ADGRL2: variants seen among roughly 807,000 people sequenced by gnomAD.
The protein encoded by ADGRL2 is calcium-independent alpha-latrotoxin receptor 2.
In ADGRL2, 44 loss-of-function variants were observed where a neutral mutation model predicts 157.4. The observed-to-expected ratio is 0.28, with a 90% confidence interval of 0.22 to 0.36. The LOEUF (loss-of-function observed/expected upper bound fraction) is 0.36, where lower values mean the gene tolerates loss of function less well. Ranked by LOEUF, ADGRL2 falls within the 10% of genes least tolerant of loss-of-function variation. ADGRL2 has a pLI of 1.00. For synonymous variants in ADGRL2, 585 were observed against 624.7 expected (o/e 0.94, Z 0.95); for missense variants, 1,510 against 1,768.9 (o/e 0.85, Z 2.63).
chr1:81,766,762 G>A (rs937124795), intron 2 of ADGRL2, among the ~76,000 whole-genome samples: 1 of 150,278 alleles, frequency 6.7e-6, no homozygotes, highest in African/African-American at 2.5e-5. Context: ...CCCAGGAGGC[G>A]GAGATTGTGG....
intron 1 of ADGRL2, among the ~76,000 whole-genome samples, chr1:81,393,377 G>C (rs575425310): frequency 6.7e-6 from 1 of 148,770 alleles, no homozygotes; most frequent in Non-Finnish European, 1.5e-5. Flanking sequence ...AAAAAGCATT[G>C]TACATATGTA....
At chr1:81,754,574 CCTTT>C (rs2085613458) in intron 1 of ADGRL2, among the ~76,000 whole-genome samples, 1 of 136,772 alleles carries the variant, frequency 7.3e-6, no homozygotes, top group South Asian at 2.4e-4. Context: ...TTTCTTTCCT[CCTTT>C]CTCTTTCTTT....
At chr1:81,863,571 G>A (rs1335761046) in intron 2 of ADGRL2, among the ~76,000 whole-genome samples, 1 of 152,158 alleles carries the variant, frequency 6.6e-6, no homozygotes, top group Non-Finnish European at 1.5e-5. Flanking sequence ...AGAGTGGGTT[G>A]TAGTGAGCTG....
intron 1 of ADGRL2, among the ~76,000 whole-genome samples, chr1:81,416,941 C>T (rs1192927426): frequency 6.6e-6 from 1 of 152,092 alleles, no homozygotes; most frequent in African/African-American, 2.4e-5. Flanking sequence ...GCATAGATCC[C>T]AAGAATTTAC....
At chr1:81,951,843 T>C in intron 8 of ADGRL2, 114 bp from the exon 9 acceptor site, 1 of 658,286 alleles carries the variant, frequency 1.5e-6, no homozygotes, top group Non-Finnish European at 2.5e-6. Context: ...CTCAATTAGT[T>C]GGAGAATTTA....
At chr1:81,350,328 G>A (rs942097277) in intron 1 of ADGRL2, among the ~76,000 whole-genome samples, 11 of 152,178 alleles carry the variant, frequency 7.2e-5, no homozygotes, top group South Asian at 2.1e-4. Flanking sequence ...ACTGTTGTGA[G>A]AAATCTGCTC....
chr1:81,913,313 T>C (rs972833256), intron 3 of ADGRL2, among the ~76,000 whole-genome samples: 1 of 152,234 alleles, frequency 6.6e-6, no homozygotes, highest in Admixed American at 6.5e-5. Context: ...GAATGTGTTG[T>C]TGTATATGTA....
chr1:81,443,883 C>T (rs1159545657), intron 1 of ADGRL2, among the ~76,000 whole-genome samples: 1 of 151,872 alleles, frequency 6.6e-6, no homozygotes, highest in African/African-American at 2.4e-5. Flanking sequence ...ATATTTATAC[C>T]ACAAAAATAA....
At chr1:81,611,176 G>A (rs1302337231) in intron 3 of ADGRL2, among the ~76,000 whole-genome samples, 1 of 152,158 alleles carries the variant, frequency 6.6e-6, no homozygotes, top group African/African-American at 2.4e-5. Context: ...AAAATGAAAT[G>A]TGGTTCTTCA....
chr1:81,308,735 T>C (rs570573866), intron 1 of ADGRL2, among the ~76,000 whole-genome samples: 4 of 152,318 alleles, frequency 2.6e-5, no homozygotes, highest in Non-Finnish European at 4.4e-5. Flanking sequence ...TGCAAACCTC[T>C]GAGAAAACTC....
intron 2 of ADGRL2, among the ~76,000 whole-genome samples, chr1:81,867,955 G>A (rs181991220): frequency 6.6e-6 from 1 of 152,026 alleles, no homozygotes; most frequent in Non-Finnish European, 1.5e-5. Flanking sequence ...CAAAAGCTGG[G>A]CAACCCTCCC....
chr1:81,586,944 A>C (rs1384601489), intron 3 of ADGRL2, among the ~76,000 whole-genome samples: 1 of 152,110 alleles, frequency 6.6e-6, no homozygotes, highest in Non-Finnish European at 1.5e-5. Context: ...TAATTCAAGC[A>C]GTGATGGACT....
At position 81,393,513 on chromosome 1, in the gene ADGRL2, C is replaced by A. The variant is rs145921861; in HGVS notation, c.-301-51523C>A. On this transcript the variant is annotated intron_variant, in intron 1 of 24. Coordinates refer to the ADGRL2 transcript ENST00000370721. The stretch of plus-strand genomic sequence containing the variant: ...CTCAATAAATCCTGTGCCAGCTTAA[C>A]TTTCTGGTAAGAAAATAAGATTCTA... 1.2e-4 allele frequency among the ~76,000 whole-genome samples: 19 copies of A among 152,296 alleles called. No individual in the cohort carries two copies. In the East Asian group the frequency reaches 3.5e-3, roughly 28 times the overall value.
chr1:81,459,994 G>T (rs12131557), intron 2 of ADGRL2, among the ~76,000 whole-genome samples: 8,846 of 151,960 alleles, frequency 0.058, 256 homozygotes, highest in Middle Eastern at 0.085. Flanking sequence ...TTTCTCCAGA[G>T]CCTCACCAAC....
intron 2 of ADGRL2, chr1:81,503,137 C>T: frequency 6.2e-7 from 1 of 1,613,974 alleles, no homozygotes; most frequent in Non-Finnish European, 8.5e-7. Flanking sequence ...CCTGGTGCAG[C>T]AGGCCTTCCA....
chr1:81,990,349 G>C, intron 23 of ADGRL2, 42 bp from the exon 24 acceptor site: 3 of 1,575,090 alleles, frequency 1.9e-6, no homozygotes, highest in Non-Finnish European at 2.6e-6. Flanking sequence ...TCTGTGGAAA[G>C]GAACAGAGAC....
intron 1 of ADGRL2, among the ~76,000 whole-genome samples, chr1:81,363,741 C>T (rs2076018172): frequency 6.6e-6 from 1 of 152,040 alleles, no homozygotes; most frequent in African/African-American, 2.4e-5. Flanking sequence ...AGAAAGGGAA[C>T]TTTCTTAGTT....
intron 22 of ADGRL2, 89 bp from the exon 23 acceptor site, chr1:81,987,780 A>G: frequency 3.8e-6 from 1 of 260,854 alleles, no homozygotes; most frequent in Non-Finnish European, 8.1e-6. Context: ...CTTGGTTTCC[A>G]TTTTTTTCTT....
intron 2 of ADGRL2, among the ~76,000 whole-genome samples, chr1:81,487,319 G>A (rs1246535403): frequency 1.3e-5 from 2 of 151,868 alleles, no homozygotes; most frequent in East Asian, 1.9e-4. Flanking sequence ...CCTGAAATTT[G>A]ACATAATTAA....
Sources: gnomAD v4.1 joint callset for allele counts (sites outside exome capture counted in the v4.1 genomes callset) on GRCh38, gnomAD v4.1.1 for gene constraint, MANE v1.5 for transcripts, NCBI Gene and HGNC (gene_info 2026-07-23, HGNC 2026-07-21) for gene names.